The following SMARCA4 variants were observed in gnomAD, a reference collection of about 807,000 sequenced individuals.
SMARCA4 encodes SWI/SNF-related matrix-associated actin-dependent regulator of chromatin subfamily A member 4.
SMARCA4 carries 31 observed loss-of-function variants against 193.9 expected under a neutral mutation model. That is an observed-to-expected ratio of 0.16 (90% CI 0.12 to 0.22). The LOEUF (loss-of-function observed/expected upper bound fraction) is 0.22. Ranked by LOEUF, SMARCA4 falls within the 10% of genes least tolerant of loss-of-function variation. SMARCA4 has a pLI of 1.00. For missense variants in SMARCA4, 1,148 were observed against 2,296.0 expected, an observed-to-expected ratio of 0.50 and a Z score of 10.22; for synonymous variants, 942 against 933.1, an observed-to-expected ratio of 1.01 and a Z score of -0.17.
chr19:10,983,856 A>G (rs980813170), intron 1 of SMARCA4: 2 of 543,572 alleles, frequency 3.7e-6, no homozygotes, highest in Non-Finnish European at 6.7e-6. Flanking sequence ...GGAATATGGC[A>G]GGAGCCCCTG....
At chr19:11,061,501 A>G (rs931190276) in intron 34 of SMARCA4, among the ~76,000 whole-genome samples, 7 of 152,048 alleles carry the variant, frequency 4.6e-5, no homozygotes, top group Non-Finnish European at 8.8e-5. Flanking sequence ...TCAGCCTCCC[A>G]AGTAGCTGGG....
intron 16 of SMARCA4, among the ~76,000 whole-genome samples, chr19:11,015,820 A>C (rs2089302053): frequency 6.6e-6 from 1 of 152,054 alleles, no homozygotes; most frequent in Non-Finnish European, 1.5e-5. Context: ...CAGCCTGACC[A>C]ACATGGTGAA....
intron 1 of SMARCA4, among the ~76,000 whole-genome samples, chr19:10,975,670 G>T (rs1467290704): frequency 6.6e-6 from 1 of 152,126 alleles, no homozygotes; most frequent in Non-Finnish European, 1.5e-5. Flanking sequence ...GGTTCTGATT[G>T]CTGGGCAATT....
At chr19:11,050,675 GA>G (rs1449828806) in intron 30 of SMARCA4, among the ~76,000 whole-genome samples, 1 of 152,236 alleles carries the variant, frequency 6.6e-6, no homozygotes, top group African/African-American at 2.4e-5. Context: ...CCTTGTGCAA[GA>G]AAAACAATGA....
intron 30 of SMARCA4, chr19:11,047,475 C>T (rs1261563524): frequency 1.3e-5 from 2 of 150,558 alleles, no homozygotes; most frequent in Non-Finnish European, 2.9e-5. Context: ...GTGGCACTAT[C>T]TTGGCTCACT....
At position 11,031,982 on chromosome 19, in the gene SMARCA4, G is replaced by T; in HGVS notation, c.3546+1089G>T. 1 of 152,470 alleles carries T rather than the reference G, an allele frequency of 6.6e-6. No homozygotes were observed. 9.4% of individuals were successfully genotyped at this position (152,470 alleles called of 1,614,324 possible). A position where few individuals can be genotyped will look rare whatever the true frequency, so the allele number is the denominator to read the frequency against. On this transcript the variant is annotated intron_variant, in intron 25 of 34. Transcript: ENST00000344626. The surrounding 1 kb of genome is among the most constrained non-coding windows in gnomAD (Gnocchi z 4.3). ...GTGTGTAAATTGTCGCTTGTCTGAT[G>T]GGTGAATGCCGTGGTGGTCACTGGT...
chr19:11,035,217 GCCTGGGTCCAAAATGCTTT>G, intron 29 of SMARCA4, 85 bp downstream of exon 29: 1 of 1,301,652 alleles, frequency 7.7e-7, no homozygotes, highest in Non-Finnish European at 1.1e-6. Context: ...CAGGACTCAG[GCCTGGGTCCAAAATGCTTT>G]CCTTGGGCCA....
In SMARCA4 at chr19:11,000,850, A is replaced by G. The variant is rs535169724; in HGVS notation, c.1813-2179A>G. On this transcript the variant is annotated intron_variant, in intron 11 of 34. Transcript: ENST00000344626. ...ACTCCAGCCTGGGCGACAGAGTGAGACTCTGTCTCAAAAAAAAAAAAAAAA... is the reference window on the plus strand; with the variant it reads ...ACTCCAGCCTGGGCGACAGAGTGAGGCTCTGTCTCAAAAAAAAAAAAAAAA... Among the ~76,000 whole-genome samples the G allele has an allele frequency of 2.1e-3, 310 of 147,242 alleles. 1 individual carries two copies. The highest frequency in any genetic ancestry group is 7.1e-3 in the Middle Eastern group (2 of 282).
At chr19:11,007,470 G>A (rs1361104370) in intron 13 of SMARCA4, among the ~76,000 whole-genome samples, 2 of 151,200 alleles carry the variant, frequency 1.3e-5, no homozygotes, top group Non-Finnish European at 3.0e-5. Flanking sequence ...CCAGTGTGGT[G>A]GCATTTGCCT....
intron 29 of SMARCA4, among the ~76,000 whole-genome samples, chr19:11,035,571 C>G (rs148814112): frequency 6.8e-4 from 103 of 152,326 alleles, no homozygotes; most frequent in African/African-American, 2.4e-3. Context: ...AGTCCCCCCC[C>G]ATGAGCTGGG....
At chr19:11,026,875 G>T (rs2090302713) in intron 23 of SMARCA4, among the ~76,000 whole-genome samples, 1 of 152,178 alleles carries the variant, frequency 6.6e-6, no homozygotes. Flanking sequence ...GGCAGACCTG[G>T]CTTACAGATC....
At chr19:11,018,079 G>A (rs1219043917) in intron 16 of SMARCA4, among the ~76,000 whole-genome samples, 2 of 152,338 alleles carry the variant, frequency 1.3e-5, no homozygotes, top group Admixed American at 6.5e-5. Flanking sequence ...GGCTTCCAGC[G>A]GGGCTGGAGA....
rs140701596 is a variant in SMARCA4 at position 10,979,572 on chromosome 19, G to A, written c.-31-4549G>A. Among the ~76,000 whole-genome samples, 297 of 151,242 alleles carry A rather than the reference G, an allele frequency of 2.0e-3. 1 individual carries two copies. Among genetic ancestry groups the A allele is most frequent in the Admixed American group, 5.0e-3 (76 of 15,192 alleles). ...TGTAGAGACAGGGTCTTGCTATGTTGCCTAGGCTGGTCTTGAATTCCTGGA... is the reference window on the plus strand; with the variant it reads ...TGTAGAGACAGGGTCTTGCTATGTTACCTAGGCTGGTCTTGAATTCCTGGA... On this transcript the variant is annotated intron_variant, in intron 1 of 34. Coordinates refer to ENST00000344626, the MANE Select transcript of SMARCA4 (RefSeq NM_003072.5).
rs1253040912 is a variant in SMARCA4, at chr19:11,062,238, G to T, written c.*422G>T. 1 of 284,286 alleles carries T rather than the reference G, an allele frequency of 3.5e-6. No individual in the cohort carries two copies. Among genetic ancestry groups the T allele is most frequent in the East Asian group, 5.3e-5 (1 of 18,838 alleles). The allele number at this position is 284,286 out of a possible 1,614,324, so 17.6% of individuals were successfully genotyped here. A position where few individuals can be genotyped will look rare whatever the true frequency, so the allele number is the denominator to read the frequency against. On this transcript the variant is annotated 3_prime_UTR_variant, in exon 35 of 35. Coordinates refer to ENST00000344626, the MANE Select transcript of SMARCA4 (RefSeq NM_003072.5). ...CGGCGAGGGTATGTCAGTGTCACTGGATGTCAAACAGTAATAAATTAAACC... is the reference window on the plus strand; with the variant it reads ...CGGCGAGGGTATGTCAGTGTCACTGTATGTCAAACAGTAATAAATTAAACC...
rs2146415527 is a variant in SMARCA4, at chr19:11,021,743, A to C, written c.2635A>C (p.Ile879Leu). The C allele has an allele frequency of 6.2e-7, 1 of 1,613,066 alleles. No individual in the cohort carries two copies. Among genetic ancestry groups the C allele is most frequent in the Non-Finnish European group, 8.5e-7 (1 of 1,179,692 alleles). The change falls in exon 19 of 35, where the codon ATT becomes CTT. Residue 879 changes from isoleucine (I) to leucine (L), a missense_variant. Around this residue, in one of 17 missense-constraint regions of SMARCA4, gnomAD observed 54 missense variants for 123.3 expected, o/e 0.44. Transcript: ENST00000344626. ...CCCGCAGATCCGTTGGAAGTACATG[A>C]TTGTGGACGAAGGTCACCGCATGAA... ...ILAKIRWKYM[I>L]VDEGHRMKNH...
intron 13 of SMARCA4, among the ~76,000 whole-genome samples, chr19:11,007,386 C>T (rs999722454): frequency 6.7e-5 from 10 of 149,032 alleles, no homozygotes; most frequent in East Asian, 2.0e-4. Flanking sequence ...GCCGAGATCA[C>T]GCCACTGCAC....
intron 16 of SMARCA4, 74 bp from the exon 17 acceptor site, chr19:11,018,883 C>T (rs2146356260): frequency 7.9e-7 from 1 of 1,264,820 alleles, no homozygotes; most frequent in Admixed American, 1.7e-5. Context: ...CCCTGACAGC[C>T]AGTGGCTATG....
chr19:11,019,853 A>G lies in SMARCA4; in HGVS notation c.2616+152A>G. The G allele has an allele frequency of 1.5e-6, 1 of 683,722 alleles. No homozygotes were observed. 42.4% of individuals were successfully genotyped at this position (683,722 alleles called of 1,614,324 possible). A position where few individuals can be genotyped will look rare whatever the true frequency, so the allele number is the denominator to read the frequency against. On this transcript the variant is annotated intron_variant, in intron 18 of 34. Transcript: ENST00000344626. This position sits in a 1 kb window ranked among gnomAD's most constrained non-coding sequence, Gnocchi z 6.1. The stretch of plus-strand genomic sequence containing the variant: ...GCTGCCCTGTGTAGGGGAAAGGCCT[A>G]GGTGGGGGCGACCTCAGGTTTACCT...
rs1023274395 is a variant in SMARCA4 at position 11,002,821 on chromosome 19, A to G, written c.1813-208A>G. On this transcript the variant is annotated intron_variant, in intron 11 of 34. Coordinates refer to ENST00000344626, the MANE Select transcript of SMARCA4 (RefSeq NM_003072.5). ...TCTCAAAAAAAAAAAAAAAAAAAAA[A>G]GAAGAAACAAGTGTCAGCCAAGGTT... Among the ~76,000 whole-genome samples the G allele has an allele frequency of 2.9e-3, 429 of 148,582 alleles. 2 individuals are homozygous for G. Among genetic ancestry groups the G allele is most frequent in the African/African-American group, 0.01 (415 of 40,594 alleles).
Sources: gnomAD v4.1 joint callset for allele counts (sites outside exome capture counted in the v4.1 genomes callset) on GRCh38, gnomAD v4.1.1 for gene constraint, gnomAD v4.1.1 regional missense constraint, Gnocchi (gnomAD v3.1) non-coding constraint, MANE v1.5 for transcripts, NCBI Gene and HGNC (gene_info 2026-07-23, HGNC 2026-07-21) for gene names.